Variants in GAK observed in about 807,000 individuals in gnomAD.
GAK encodes cyclin G associated kinase, also known as cyclin-G-associated kinase.
Under a neutral mutation model 143.9 loss-of-function variants are expected in GAK, and 79 were observed. The observed-to-expected ratio is 0.55, with a 90% CI of 0.46 to 0.66. The LOEUF (loss-of-function observed/expected upper bound fraction) is 0.66. Among genes scored for constraint, GAK ranks in the 30% least tolerant of loss-of-function variants. The pLI is 0.00. For missense variants in GAK, 1,693 were observed against 1,779.7 expected (o/e 0.95, Z 0.88); for synonymous variants, 881 against 765.5 (o/e 1.15, Z -2.49).
chr4:870,580 C>T, intron 19 of GAK, 131 bp downstream of exon 19: 1 of 870,176 alleles, frequency 1.1e-6, no homozygotes, highest in African/African-American at 1.7e-5. Context: ...CTCCTGCAGC[C>T]CAAGCTGCTC....
chr4:879,460 T>C (rs1714655681), intron 15 of GAK, among the ~76,000 whole-genome samples: 1 of 151,948 alleles, frequency 6.6e-6, no homozygotes, highest in South Asian at 2.1e-4. Flanking sequence ...TTCCTTTTAC[T>C]TCCTGTTGAC....
chr4:893,777 C>T, intron 8 of GAK, 97 bp downstream of exon 8: 1 of 1,375,708 alleles, frequency 7.3e-7, no homozygotes, highest in Non-Finnish European at 9.7e-7. Context: ...GGAGTGGGGC[C>T]AGGTGAGCAG....
chr4:905,988 G>A (rs1420970564), intron 4 of GAK, among the ~76,000 whole-genome samples: 1 of 152,258 alleles, frequency 6.6e-6, no homozygotes, highest in Admixed American at 6.5e-5. Flanking sequence ...GGGGCAAGAC[G>A]CCCAAGCGTC....
rs538940828 is a variant in GAK at position 881,963 on chromosome 4, G to C, written c.1605C>G (p.Ala535=). Residue 535 remains alanine, a synonymous_variant, in exon 15 of 28, where the codon GCC becomes GCG. Coordinates refer to ENST00000314167, the MANE Select transcript of GAK (RefSeq NM_005255.4). Reference sequence around the variant, plus strand: ...AGCGCTTCATGCTGAACATGTACACGGCGGCCTCCGCGGTGCTGAAGAGAC... The same window carrying C: ...AGCGCTTCATGCTGAACATGTACACCGCGGCCTCCGCGGTGCTGAAGAGAC... The part of the protein sequence containing the change: ...FCRLFSTAEA[A]VYMFSMKRCP... 10 of 1,601,306 alleles carry C rather than the reference G, an allele frequency of 6.2e-6. No homozygotes were observed. In the South Asian group the frequency reaches 7.9e-5, roughly 13 times the overall value.
intron 18 of GAK, 26 bp downstream of exon 18, chr4:876,504 A>G: frequency 1.2e-6 from 2 of 1,606,690 alleles, no homozygotes; most frequent in Non-Finnish European, 1.7e-6. Context: ...GTCCCTCCCC[A>G]CCGAGCACAA....
intron 23 of GAK, among the ~76,000 whole-genome samples, chr4:860,647 C>A (rs1369634807): frequency 2.0e-5 from 3 of 152,180 alleles, no homozygotes; most frequent in Admixed American, 2.0e-4. Context: ...GCAAAGACGT[C>A]CTGAAGCGCA....
At chr4:854,344 A>G (rs1317693859) in intron 24 of GAK, among the ~76,000 whole-genome samples, 2 of 152,148 alleles carry the variant, frequency 1.3e-5, no homozygotes. Context: ...CCTTTGTCAA[A>G]TAGGTGGTTT....
chr4:895,384 C>T (rs1440557333), intron 7 of GAK, among the ~76,000 whole-genome samples: 1 of 152,264 alleles, frequency 6.6e-6, no homozygotes, highest in African/African-American at 2.4e-5. Flanking sequence ...GAGCAAGAGC[C>T]GGCCAGGAGT....
chr4:865,262 G>C lies in GAK; in HGVS notation c.3044-18C>G. The C allele has an allele frequency of 1.2e-6, 2 of 1,612,850 alleles. No individual in the cohort carries two copies. The highest frequency in any genetic ancestry group is 1.7e-6 in the Non-Finnish European group (2 of 1,179,826). On this transcript the variant is annotated intron_variant, in intron 22 of 27. Transcript: ENST00000314167. ...CAGATCCCCTGGGAAGAAGGAACCA[G>C]AAGAGAGCACAGTTTGGTGTCTCAG...
intron 11 of GAK, chr4:888,469 G>C (rs1429347773): frequency 4.7e-6 from 1 of 211,874 alleles, no homozygotes; most frequent in Non-Finnish European, 9.5e-6. Context: ...CTAAGTCTGA[G>C]TAACTAGGGC....
chr4:880,915 C>A (rs1204405160), intron 15 of GAK, among the ~76,000 whole-genome samples: 1 of 152,204 alleles, frequency 6.6e-6, no homozygotes, highest in Non-Finnish European at 1.5e-5. Flanking sequence ...ACAGGCCCCA[C>A]CGCACCTGGC....
At chr4:888,210 C>A (rs1168199899) in intron 11 of GAK, 1 of 152,312 alleles carries the variant, frequency 6.6e-6, no homozygotes, top group Non-Finnish European at 1.5e-5. Flanking sequence ...ATAGCCGACG[C>A]CCTTGAGCTG....
intron 11 of GAK, chr4:887,166 G>A (rs968504397): frequency 2.0e-5 from 3 of 148,756 alleles, no homozygotes; most frequent in African/African-American, 5.0e-5. Context: ...CGCGGCTCAC[G>A]CGCACACACG....
At chr4:883,753 T>G (rs1429735341) in intron 12 of GAK, among the ~76,000 whole-genome samples, 3 of 152,224 alleles carry the variant, frequency 2.0e-5, no homozygotes, top group Non-Finnish European at 2.9e-5. Flanking sequence ...GGATGCCTGG[T>G]GCACAGAGGC....
At chr4:867,584 C>T (rs1190261486) in intron 20 of GAK, 152 bp from the exon 21 acceptor site, 1 of 514,190 alleles carries the variant, frequency 1.9e-6, no homozygotes, top group Admixed American at 3.8e-5. Flanking sequence ...CCTTCAGGGC[C>T]TCCTCGGCCC....
At chr4:882,950 G>A (rs1048717441) in intron 13 of GAK, 131 bp from the exon 14 acceptor site, 30 of 1,174,288 alleles carry the variant, frequency 2.6e-5, no homozygotes, top group Non-Finnish European at 3.1e-5. Flanking sequence ...GTCCACCTGC[G>A]CGAGACCTGA....
intron 7 of GAK, chr4:894,243 C>G (rs60000797): frequency 3.9e-4 from 59 of 150,480 alleles, no homozygotes; most frequent in African/African-American, 1.7e-3. Flanking sequence ...GGGTGACACC[C>G]GGGCCGCGGG....
At chr4:931,994 G>A (rs759856551) in intron 1 of GAK, 49 bp downstream of exon 1, 9 of 1,345,904 alleles carry the variant, frequency 6.7e-6, no homozygotes, top group Admixed American at 3.7e-5. Flanking sequence ...CCAGCGTCCC[G>A]GAGACAACAC....
intron 1 of GAK, among the ~76,000 whole-genome samples, chr4:914,348 A>T (rs1722627889): frequency 3.1e-5 from 3 of 97,652 alleles, no homozygotes; most frequent in African/African-American, 4.2e-5. Flanking sequence ...CCACACAAAC[A>T]CAGCCCCAGC....
Sources: allele counts gnomAD v4.1 joint callset (sites outside exome capture counted in the v4.1 genomes callset), GRCh38; gene constraint gnomAD v4.1.1; transcripts MANE v1.5; gene names NCBI Gene and HGNC (gene_info 2026-07-23, HGNC 2026-07-21).